XIRP2: variants seen among roughly 807,000 people sequenced by gnomAD.
XIRP2 encodes the protein xin actin binding repeat containing 2.
Under a neutral mutation model 277.0 loss-of-function variants are expected in XIRP2, and 236 were observed. The observed-to-expected ratio is 0.85, with a 90% confidence interval of 0.77 to 0.95. The LOEUF (loss-of-function observed/expected upper bound fraction) is 0.95, where lower values mean the gene tolerates loss of function less well. XIRP2 is among the 40% of genes least tolerant of loss of function. XIRP2 has a pLI of 0.00. For missense variants in XIRP2, 4,640 were observed against 4,157.5 expected (o/e 1.12, Z -3.19); for synonymous variants, 1,490 against 1,416.5 (o/e 1.05, Z -1.17).
At chr2:166,952,853 C>A (rs1686070975) in intron 2 of XIRP2, among the ~76,000 whole-genome samples, 1 of 151,740 alleles carries the variant, frequency 6.6e-6, no homozygotes, top group Non-Finnish European at 1.5e-5. Context: ...ATCTTCATGG[C>A]CAGTGTAGAT....
At chr2:167,089,256 T>C (rs536935300) in intron 2 of XIRP2, among the ~76,000 whole-genome samples, 1 of 152,262 alleles carries the variant, frequency 6.6e-6, no homozygotes, top group South Asian at 2.1e-4. Context: ...AAGACAACTT[T>C]TTCTAAAACT....
chr2:167,181,189 G>A, intron 3 of XIRP2, among the ~76,000 whole-genome samples: 1 of 152,164 alleles, frequency 6.6e-6, no homozygotes, highest in East Asian at 1.9e-4. Flanking sequence ...CAGAGGCAGG[G>A]CTGTGGCTTG....
chr2:166,930,077 A>C (rs1685289320), intron 2 of XIRP2, among the ~76,000 whole-genome samples: 1 of 152,092 alleles, frequency 6.6e-6, no homozygotes, highest in Non-Finnish European at 1.5e-5. Flanking sequence ...ATAGTTTCGG[A>C]GCTCTTGTCC....
intron 3 of XIRP2, among the ~76,000 whole-genome samples, chr2:167,146,348 A>C (rs1158325112): frequency 1.3e-5 from 2 of 152,062 alleles, no homozygotes; most frequent in Admixed American, 6.6e-5. Flanking sequence ...AAAAAATACA[A>C]AAATTAGCCA....
At chr2:167,026,998 T>C (rs559308401) in intron 2 of XIRP2, among the ~76,000 whole-genome samples, 69 of 152,194 alleles carry the variant, frequency 4.5e-4, no homozygotes, top group African/African-American at 1.6e-3. Context: ...TTGCTCTTCT[T>C]GAGGAGTATC....
At chr2:167,256,213 A>G (rs1490789401) in intron 10 of XIRP2, among the ~76,000 whole-genome samples, 3 of 151,576 alleles carry the variant, frequency 2.0e-5, no homozygotes, top group Non-Finnish European at 4.4e-5. Context: ...GTTTTATTAT[A>G]TAGTTTTTTC....
intron 1 of XIRP2, among the ~76,000 whole-genome samples, chr2:166,894,511 A>T (rs1463515388): frequency 1.3e-5 from 2 of 152,184 alleles, no homozygotes; most frequent in Non-Finnish European, 2.9e-5. Flanking sequence ...GGTACCTATT[A>T]AAAATGCACT....
chr2:167,057,495 A>G (rs1396314277), intron 2 of XIRP2, among the ~76,000 whole-genome samples: 5 of 152,212 alleles, frequency 3.3e-5, no homozygotes, highest in African/African-American at 9.6e-5. Flanking sequence ...TGGGTTACAC[A>G]TGCACCTTAA....
intron 2 of XIRP2, among the ~76,000 whole-genome samples, chr2:166,955,023 C>G (rs893371455): frequency 4.0e-5 from 6 of 151,800 alleles, no homozygotes; most frequent in African/African-American, 1.4e-4. Context: ...ACACATTTAC[C>G]TGTGTAACAA....
intron 2 of XIRP2, among the ~76,000 whole-genome samples, chr2:167,071,716 C>T (rs1404814037): frequency 1.3e-5 from 2 of 152,076 alleles, no homozygotes; most frequent in Non-Finnish European, 2.9e-5. Context: ...ACTATGAAAA[C>T]GGGGAAAGTA....
At position 167,248,253 on chromosome 2, in the gene XIRP2, C is replaced by T. The variant is rs769704836; in HGVS notation, c.6861C>T (p.Cys2287=). 9.9e-6 allele frequency: 16 copies of T among 1,612,282 alleles called. No homozygotes were observed. The African/African-American group carries it at 1.7e-4, about 18-fold the overall frequency. The change falls in exon 9 of 11, where the codon TGC becomes TGT. Residue 2287 remains cysteine (C), a synonymous_variant. Coordinates refer to ENST00000409195, the MANE Select transcript of XIRP2 (RefSeq NM_152381.6). ...NPENNVKESE[C]PLPPPSPPPP... Reference sequence around the variant, plus strand: ...AGAATAATGTAAAAGAAAGTGAGTGCCCCCTTCCACCTCCATCTCCACCTC... The same window carrying T: ...AGAATAATGTAAAAGAAAGTGAGTGTCCCCTTCCACCTCCATCTCCACCTC...
intron 5 of XIRP2, among the ~76,000 whole-genome samples, chr2:167,234,694 G>A (rs1371163261): frequency 6.6e-6 from 1 of 151,774 alleles, no homozygotes; most frequent in Non-Finnish European, 1.5e-5. Flanking sequence ...ATTGAATTAA[G>A]TAAAACTGGA....
chr2:167,060,453 CCT>C (rs1403702016), intron 2 of XIRP2, among the ~76,000 whole-genome samples: 1 of 152,028 alleles, frequency 6.6e-6, no homozygotes, highest in Non-Finnish European at 1.5e-5. Context: ...GTATTTTTCC[CCT>C]GTTTTCTATT....
intron 3 of XIRP2, among the ~76,000 whole-genome samples, chr2:167,159,118 A>G (rs1692288748): frequency 6.6e-6 from 1 of 152,166 alleles, no homozygotes; most frequent in South Asian, 2.1e-4. Context: ...CTGGAAAACT[A>G]ACTGAGAATC....
At chr2:166,994,624 C>T (rs1295549621) in intron 2 of XIRP2, among the ~76,000 whole-genome samples, 1 of 132,978 alleles carries the variant, frequency 7.5e-6, no homozygotes, top group Non-Finnish European at 1.6e-5. Flanking sequence ...ATGATATTTA[C>T]GTTGAATCCA....
intron 2 of XIRP2, among the ~76,000 whole-genome samples, chr2:167,083,551 T>C (rs373096636): frequency 2.0e-4 from 30 of 152,226 alleles, no homozygotes; most frequent in African/African-American, 6.0e-4. Flanking sequence ...GCCATTTTCA[T>C]GATATTGATT....
At chr2:167,001,657 A>G (rs1453708569) in intron 2 of XIRP2, among the ~76,000 whole-genome samples, 1 of 152,140 alleles carries the variant, frequency 6.6e-6, no homozygotes, top group Non-Finnish European at 1.5e-5. Context: ...GTTAAACTGA[A>G]ATGAAATACA....
intron 3 of XIRP2, among the ~76,000 whole-genome samples, chr2:167,159,673 C>T (rs1692306731): frequency 6.7e-6 from 1 of 150,130 alleles, no homozygotes; most frequent in African/African-American, 2.5e-5. Flanking sequence ...TATATTTCTT[C>T]ATTAAAATAA....
At chr2:166,970,364 A>C (rs1221961361) in intron 2 of XIRP2, among the ~76,000 whole-genome samples, 1 of 151,914 alleles carries the variant, frequency 6.6e-6, no homozygotes, top group Non-Finnish European at 1.5e-5. Context: ...ATTGTGAAGT[A>C]TTTCTTAAAT....
Sources: gnomAD v4.1 joint callset for allele counts (sites outside exome capture counted in the v4.1 genomes callset) on GRCh38, gnomAD v4.1.1 for gene constraint, MANE v1.5 for transcripts, NCBI Gene and HGNC (gene_info 2026-07-23, HGNC 2026-07-21) for gene names.